The following CCDC141 variants were observed in gnomAD, a reference collection of about 807,000 sequenced individuals.
CCDC141 encodes coiled-coil domain containing 141, also known as coiled-coil domain-containing protein 141.
In CCDC141, 168 loss-of-function variants were observed where a neutral mutation model predicts 181.0. The observed-to-expected ratio is 0.93, with a 90% CI of 0.82 to 1.05. The LOEUF is 1.05. CCDC141 is among the 50% of genes least tolerant of loss of function. The probability of loss-of-function intolerance (pLI) is 0.00; values close to 1 mark genes in which losing one functional copy is unlikely to be tolerated. For missense variants in CCDC141, 1,902 were observed against 1,788.5 expected, an observed-to-expected ratio of 1.06 and a Z score of -1.14; for synonymous variants, 666 against 642.3, an observed-to-expected ratio of 1.04 and a Z score of -0.56.
chr2:178,893,048 T>C (rs1380339460), intron 8 of CCDC141, among the ~76,000 whole-genome samples: 1 of 152,188 alleles, frequency 6.6e-6, no homozygotes, highest in Non-Finnish European at 1.5e-5. Flanking sequence ...GATGCCTGTC[T>C]GTAGTGTGAA....
chr2:179,000,811 A>T (rs2041947729), intron 2 of CCDC141, among the ~76,000 whole-genome samples: 1 of 152,236 alleles, frequency 6.6e-6, no homozygotes, highest in Admixed American at 6.5e-5. Context: ...AGGATTATCC[A>T]CAAGGCTTGA....
At chr2:178,815,736 T>A in the CCDC141 span, among the ~76,000 whole-genome samples, 1 of 152,236 alleles carries the variant, frequency 6.6e-6, no homozygotes, top group Non-Finnish European at 1.5e-5. Flanking sequence ...TAATACCTAA[T>A]ACAATGTAAG....
chr2:178,816,614 C>T, the CCDC141 span, among the ~76,000 whole-genome samples: 9 of 152,152 alleles, frequency 5.9e-5, no homozygotes, highest in African/African-American at 1.7e-4. Flanking sequence ...AAGAAACTGC[C>T]GAACTGTCTT....
At chr2:179,016,448 T>A (rs1165561091) in intron 2 of CCDC141, among the ~76,000 whole-genome samples, 9 of 152,146 alleles carry the variant, frequency 5.9e-5, no homozygotes, top group Non-Finnish European at 8.8e-5. Context: ...TGCAACAGCA[T>A]TAACAGTTAG....
chr2:178,888,769 G>A (rs1461457018), intron 8 of CCDC141, 101 bp from the exon 9 acceptor site: 1 of 1,293,994 alleles, frequency 7.7e-7, no homozygotes, highest in Non-Finnish European at 1.1e-6. Context: ...GTTGGTAAAA[G>A]GCATCAGCTT....
intron 9 of CCDC141, among the ~76,000 whole-genome samples, chr2:178,888,271 C>G (rs1244228193): frequency 6.6e-6 from 1 of 152,194 alleles, no homozygotes; most frequent in Non-Finnish European, 1.5e-5. Flanking sequence ...TCAGTTAACA[C>G]AGTACTGTGC....
intron 2 of CCDC141, among the ~76,000 whole-genome samples, chr2:179,024,384 T>C (rs558627833): frequency 3.0e-4 from 45 of 152,386 alleles, no homozygotes; most frequent in African/African-American, 1.0e-3. Context: ...ATGTCATGAA[T>C]ATATGTATTC....
intron 12 of CCDC141, 54 bp downstream of exon 12, chr2:178,877,910 T>G: frequency 6.7e-7 from 1 of 1,491,874 alleles, no homozygotes; most frequent in Non-Finnish European, 9.4e-7. Flanking sequence ...ATTATTATTT[T>G]GACTTTGATG....
intron 8 of CCDC141, among the ~76,000 whole-genome samples, chr2:178,894,151 C>T (rs139928268): frequency 1.7e-3 from 258 of 152,292 alleles, no homozygotes; most frequent in Middle Eastern, 3.4e-3. Context: ...CTCAAGCCCT[C>T]TTCTGGTTTC....
At chr2:178,910,408 T>C (rs928614925) in intron 7 of CCDC141, among the ~76,000 whole-genome samples, 1 of 152,192 alleles carries the variant, frequency 6.6e-6, no homozygotes, top group African/African-American at 2.4e-5. Flanking sequence ...AGAGTTTTGT[T>C]GGAATGCTTA....
chr2:178,824,062 AC>A, the CCDC141 span, among the ~76,000 whole-genome samples: 1 of 55,284 alleles, frequency 1.8e-5, no homozygotes, highest in African/African-American at 6.2e-5. Context: ...ACAGAGAAAA[AC>A]ACACACACAC....
At chr2:179,002,698 T>C (rs4893861) in intron 2 of CCDC141, 135,135 of 157,144 alleles carry the variant, frequency 0.86, 58,959 homozygotes, top group Non-Finnish European at 0.93. Flanking sequence ...CAAAAAAATA[T>C]GCCAGGAGCA....
intron 8 of CCDC141, among the ~76,000 whole-genome samples, chr2:178,902,614 A>G (rs1341206048): frequency 6.6e-6 from 1 of 152,154 alleles, no homozygotes; most frequent in Non-Finnish European, 1.5e-5. Flanking sequence ...TTCAAGATGG[A>G]CTAAAGACTT....
intron 16 of CCDC141, among the ~76,000 whole-genome samples, chr2:178,867,535 C>A (rs1685907233): frequency 6.6e-6 from 1 of 152,148 alleles, no homozygotes; most frequent in South Asian, 2.1e-4. Flanking sequence ...TGCTAAATTT[C>A]GATCAGAAAT....
intron 23 of CCDC141, chr2:178,835,821 ACT>A (rs1245831233): frequency 3.9e-5 from 6 of 152,582 alleles, no homozygotes; most frequent in Non-Finnish European, 8.8e-5. Flanking sequence ...TAAATATGAC[ACT>A]CTTGATTTGT....
chr2:178,904,712 T>C (rs1169097747), intron 8 of CCDC141, among the ~76,000 whole-genome samples: 1 of 152,154 alleles, frequency 6.6e-6, no homozygotes, highest in Non-Finnish European at 1.5e-5. Context: ...TCCTACTGCA[T>C]TCTCTCTCTG....
chr2:178,837,127 A>G lies in CCDC141; in HGVS notation c.4092T>C (p.Ala1364=). The change falls in exon 23 of 24, where the codon GCT becomes GCC. Residue 1364 remains alanine (A), a synonymous_variant. Coordinates refer to ENST00000443758, the MANE Select transcript of CCDC141 (RefSeq NM_173648.4). ...NFTKTQDRLH[A]SSDAFSGLRF... ...TGAGGCCCGAGAATGCATCAGAGGA[A>G]GCATGCAGCCTATCTTGGGTTTTAG... 1 of 1,613,972 alleles carries G rather than the reference A, an allele frequency of 6.2e-7. No homozygotes were observed. Among genetic ancestry groups the G allele is most frequent in the South Asian group, 1.1e-5 (1 of 91,082 alleles).
chr2:178,874,353 G>T (rs977542720), intron 12 of CCDC141: 4 of 152,126 alleles, frequency 2.6e-5, no homozygotes, highest in Non-Finnish European at 5.9e-5. Flanking sequence ...ATGACATCAA[G>T]ATAAAAGAAC....
At chr2:178,887,279 A>G (rs1316570761) in intron 9 of CCDC141, among the ~76,000 whole-genome samples, 1 of 152,142 alleles carries the variant, frequency 6.6e-6, no homozygotes, top group Non-Finnish European at 1.5e-5. Flanking sequence ...CCAGAGCATG[A>G]GCATTGCAGT....
Sources: allele counts gnomAD v4.1 joint callset (sites outside exome capture counted in the v4.1 genomes callset), GRCh38; gene constraint gnomAD v4.1.1; transcripts MANE v1.5; gene names NCBI Gene and HGNC (gene_info 2026-07-23, HGNC 2026-07-21).